Variants in GNAQ observed in about 807,000 individuals in gnomAD.
GNAQ encodes guanine nucleotide-binding protein G(q) subunit alpha.
GNAQ carries 8 observed loss-of-function variants against 43.9 expected under a neutral mutation model. The ratio of observed to expected loss-of-function variants is 0.18; its 90% CI spans 0.11 to 0.33. GNAQ has a LOEUF of 0.33. Ranked by LOEUF, GNAQ falls within the 10% of genes least tolerant of loss-of-function variation. The probability of loss-of-function intolerance (pLI) is 1.00; values close to 1 mark genes in which losing one functional copy is unlikely to be tolerated. For missense variants in GNAQ, 158 were observed against 450.8 expected (o/e 0.35, Z 5.88); for synonymous variants, 155 against 170.7 (o/e 0.91, Z 0.71).
At position 77,974,843 on chromosome 9, in the gene GNAQ, G is replaced by A. The variant is rs113498749; in HGVS notation, c.137-52498C>T. On this transcript the variant is annotated intron_variant, in intron 1 of 6. Coordinates refer to ENST00000286548, the MANE Select transcript of GNAQ (RefSeq NM_002072.5). Reference sequence around the variant, plus strand: ...CTGCTGTTCACCTTGCTCCTATAATGATTCATACAAAATACTCAGGTAAAT... The same window carrying A: ...CTGCTGTTCACCTTGCTCCTATAATAATTCATACAAAATACTCAGGTAAAT... 4.2e-3 allele frequency among the ~76,000 whole-genome samples: 635 copies of A among 152,274 alleles called. 6 individuals carry two copies. Among genetic ancestry groups the A allele is most frequent in the African/African-American group, 0.015 (616 of 41,548 alleles).
chr9:77,772,344 C>A (rs1826234858), intron 5 of GNAQ, among the ~76,000 whole-genome samples: 1 of 152,204 alleles, frequency 6.6e-6, no homozygotes, highest in Admixed American at 6.5e-5. Flanking sequence ...CAATTCACTG[C>A]TGTGCGGAAA....
intron 2 of GNAQ, among the ~76,000 whole-genome samples, chr9:77,857,872 G>GTT (rs34145434): frequency 4.7e-4 from 68 of 146,234 alleles, no homozygotes; most frequent in African/African-American, 1.7e-3. Context: ...GGCAATAAAG[G>GTT]TTTTTTTTTT....
Position 77,850,434 on chromosome 9 carries a change from C to T in GNAQ, c.322-34664G>A, listed in dbSNP as rs376650720. Among the ~76,000 whole-genome samples the T allele has an allele frequency of 1.5e-4, 23 of 152,264 alleles. No homozygotes were observed. In the East Asian group the frequency reaches 1.5e-3, roughly 10 times the overall value. ...GGTCTGGGCCTCATTCTCTCCTGCTCGGGCCACAGCAACAGTGTCTATGCT... is the reference window on the plus strand; with the variant it reads ...GGTCTGGGCCTCATTCTCTCCTGCTTGGGCCACAGCAACAGTGTCTATGCT... On this transcript the variant is annotated intron_variant, in intron 2 of 6. Transcript: ENST00000286548.
At chr9:77,752,568 C>T (rs1421173347) in intron 5 of GNAQ, among the ~76,000 whole-genome samples, 1 of 152,162 alleles carries the variant, frequency 6.6e-6, no homozygotes, top group African/African-American at 2.4e-5. Flanking sequence ...GCTCCCAAAC[C>T]CACAAAGTTA....
intron 1 of GNAQ, among the ~76,000 whole-genome samples, chr9:77,967,122 G>A (rs1823177528): frequency 6.6e-6 from 1 of 152,154 alleles, no homozygotes; most frequent in South Asian, 2.1e-4. Context: ...CTAACGTGTA[G>A]GTGAACTATC....
intron 5 of GNAQ, among the ~76,000 whole-genome samples, chr9:77,772,685 T>C (rs1826245772): frequency 6.6e-6 from 1 of 152,222 alleles, no homozygotes; most frequent in Non-Finnish European, 1.5e-5. Context: ...TTCACCCTGG[T>C]TCTTCCTGGT....
At chr9:78,001,771 A>C (rs1422347343) in intron 1 of GNAQ, among the ~76,000 whole-genome samples, 1 of 152,260 alleles carries the variant, frequency 6.6e-6, no homozygotes, top group South Asian at 2.1e-4. Context: ...CTTAGTTTAC[A>C]AATAAAGAAG....
intron 1 of GNAQ, among the ~76,000 whole-genome samples, chr9:77,986,204 C>T (rs1272740550): frequency 6.6e-6 from 1 of 152,166 alleles, no homozygotes; most frequent in Non-Finnish European, 1.5e-5. Flanking sequence ...CTGCTGTTTA[C>T]ATACAGATTT....
At chr9:77,980,561 C>T (rs1057297389) in intron 1 of GNAQ, among the ~76,000 whole-genome samples, 6 of 152,096 alleles carry the variant, frequency 3.9e-5, no homozygotes, top group Non-Finnish European at 8.8e-5. Context: ...TTCTGAACTG[C>T]ACTTTATCAT....
intron 5 of GNAQ, among the ~76,000 whole-genome samples, chr9:77,729,069 T>C (rs1825444531): frequency 7.0e-6 from 1 of 143,610 alleles, no homozygotes; most frequent in African/African-American, 2.5e-5. Context: ...TTTCTTAAGC[T>C]ATATTTATTT....
chr9:77,729,154 G>C (rs1825445903), intron 5 of GNAQ, among the ~76,000 whole-genome samples: 1 of 152,072 alleles, frequency 6.6e-6, no homozygotes. Flanking sequence ...TATATTTCTA[G>C]ATGTTTTCTA....
rs557590201 is a variant in GNAQ, at chr9:77,798,270, T to A, written c.477-622A>T. Among the ~76,000 whole-genome samples, 173 of 152,334 alleles carry A rather than the reference T, an allele frequency of 1.1e-3. 1 individual carries two copies. The highest frequency in any genetic ancestry group is 1.4e-3 in the Non-Finnish European group (97 of 68,034). On this transcript the variant is annotated intron_variant, in intron 3 of 6. Coordinates refer to ENST00000286548, the MANE Select transcript of GNAQ (RefSeq NM_002072.5). ...TTGGAGTCACCACACCTTAACTTTATATTTATCTAGTTATATGATACTTGA... is the reference window on the plus strand; with the variant it reads ...TTGGAGTCACCACACCTTAACTTTAAATTTATCTAGTTATATGATACTTGA...
chr9:77,759,117 A>G (rs1825949990), intron 5 of GNAQ, among the ~76,000 whole-genome samples: 1 of 152,206 alleles, frequency 6.6e-6, no homozygotes, highest in Non-Finnish European at 1.5e-5. Flanking sequence ...GATTCATGTG[A>G]AAAGAAATAT....
At chr9:77,730,487 A>G (rs1825471228) in intron 5 of GNAQ, among the ~76,000 whole-genome samples, 1 of 152,184 alleles carries the variant, frequency 6.6e-6, no homozygotes, top group Admixed American at 6.5e-5. Flanking sequence ...TTCTTCTGTA[A>G]AGTGTGCCAA....
intron 1 of GNAQ, among the ~76,000 whole-genome samples, chr9:77,937,866 T>C (rs781251342): frequency 1.3e-5 from 2 of 152,206 alleles, no homozygotes; most frequent in Admixed American, 6.5e-5. Context: ...CACTCCAGTC[T>C]GGGCAACAAG....
At chr9:77,804,837 T>C (rs150459520) in intron 3 of GNAQ, among the ~76,000 whole-genome samples, 27 of 152,196 alleles carry the variant, frequency 1.8e-4, no homozygotes, top group African/African-American at 6.0e-4. Context: ...GGTCTTCACA[T>C]TTTTAATTAT....
intron 5 of GNAQ, among the ~76,000 whole-genome samples, chr9:77,744,897 A>G (rs550130782): frequency 7.7e-4 from 117 of 152,306 alleles, no homozygotes; most frequent in Non-Finnish European, 9.4e-4. Context: ...TGAAACAACA[A>G]TAACAACAAC....
intron 1 of GNAQ, among the ~76,000 whole-genome samples, chr9:78,012,043 C>A (rs1156417902): frequency 2.0e-5 from 3 of 152,038 alleles, no homozygotes; most frequent in African/African-American, 7.2e-5. Context: ...AAACAAATAA[C>A]CAAATTTTTA....
intron 2 of GNAQ, among the ~76,000 whole-genome samples, chr9:77,900,483 T>C (rs1227844033): frequency 6.6e-6 from 1 of 152,142 alleles, no homozygotes; most frequent in Non-Finnish European, 1.5e-5. Context: ...TAATATCTAC[T>C]TGTGGTTAGA....
Sources: gnomAD v4.1 joint callset for allele counts (sites outside exome capture counted in the v4.1 genomes callset) on GRCh38, gnomAD v4.1.1 for gene constraint, MANE v1.5 for transcripts, NCBI Gene and HGNC (gene_info 2026-07-23, HGNC 2026-07-21) for gene names.